WDR70: variants seen among roughly 807,000 people sequenced by gnomAD.
WDR70 encodes WD repeat-containing protein 70.
A neutral mutation model predicts 88.6 loss-of-function variants in WDR70; 53 were observed. The ratio of observed to expected loss-of-function variants is 0.60; its 90% CI spans 0.48 to 0.75. WDR70 has a LOEUF of 0.75. Ranked by LOEUF, WDR70 falls within the 30% of genes least tolerant of loss-of-function variation. The pLI, the probability that WDR70 is intolerant of heterozygous loss-of-function variation, is 0.00. For missense variants in WDR70, 610 were observed against 823.2 expected (o/e 0.74, Z 3.17); for synonymous variants, 280 against 270.0 (o/e 1.04, Z -0.36).
At chr5:37,403,611 C>T (rs1749267038) in intron 5 of WDR70, among the ~76,000 whole-genome samples, 1 of 152,128 alleles carries the variant, frequency 6.6e-6, no homozygotes, top group South Asian at 2.1e-4. Context: ...GGAAAGCAAC[C>T]AATTTCACAT....
At chr5:37,419,978 A>G (rs1749895095) in intron 5 of WDR70, among the ~76,000 whole-genome samples, 1 of 151,984 alleles carries the variant, frequency 6.6e-6, no homozygotes, top group African/African-American at 2.4e-5. Flanking sequence ...GGGTCAAGTG[A>G]TCTGCCCCCC....
At chr5:37,637,381 G>T (rs995574212) in intron 10 of WDR70, among the ~76,000 whole-genome samples, 9 of 144,036 alleles carry the variant, frequency 6.2e-5, no homozygotes, top group Admixed American at 4.1e-4. Context: ...ATAAATAAAA[G>T]ATTTATAAAT....
At chr5:37,449,171 G>A (rs1738587270) in intron 7 of WDR70, among the ~76,000 whole-genome samples, 2 of 152,176 alleles carry the variant, frequency 1.3e-5, no homozygotes, top group South Asian at 4.1e-4. Flanking sequence ...GTTTTCTTGT[G>A]TATTTATTTT....
intron 8 of WDR70, chr5:37,505,617 G>C (rs1740536323): frequency 1.3e-6 from 1 of 747,268 alleles, no homozygotes; most frequent in Admixed American, 1.8e-5. Context: ...AGACAACTGA[G>C]TGGGTGGAGA....
Position 37,571,157 on chromosome 5 carries a change from G to A in WDR70, c.918-33907G>A, listed in dbSNP as rs534988412. Among the ~76,000 whole-genome samples the A allele has an allele frequency of 5.9e-5, 9 of 152,266 alleles. No individual in the cohort carries two copies. The South Asian group carries it at 1.0e-3, about 18-fold the overall frequency. Reference sequence around the variant, plus strand: ...AATATGGCCTTAGGCAAAAAGCAGCGTTTCAAATTGCATATTAAAAGTCAC... The same window carrying A: ...AATATGGCCTTAGGCAAAAAGCAGCATTTCAAATTGCATATTAAAAGTCAC... On this transcript the variant is annotated intron_variant, in intron 9 of 17. Coordinates refer to ENST00000265107, the MANE Select transcript of WDR70 (RefSeq NM_018034.4).
intron 17 of WDR70, among the ~76,000 whole-genome samples, chr5:37,740,074 G>A (rs1224637551): frequency 5.3e-5 from 8 of 152,198 alleles, no homozygotes; most frequent in African/African-American, 9.6e-5. Context: ...TGTATCTGTC[G>A]TTTTACTTTT....
intron 7 of WDR70, among the ~76,000 whole-genome samples, chr5:37,475,146 C>A (rs1053752370): frequency 6.6e-6 from 1 of 151,954 alleles, no homozygotes; most frequent in Non-Finnish European, 1.5e-5. Flanking sequence ...TCTTGAACTC[C>A]TGGCCTCAAG....
chr5:37,596,103 C>T (rs1037159800), intron 9 of WDR70, among the ~76,000 whole-genome samples: 16 of 152,136 alleles, frequency 1.1e-4, no homozygotes, highest in Admixed American at 7.2e-4. Context: ...TACTGAAAGT[C>T]AGTTTTCAGA....
chr5:37,619,972 A>T (rs867580512), intron 10 of WDR70: 2 of 142,350 alleles, frequency 1.4e-5, no homozygotes, highest in Non-Finnish European at 3.0e-5. Context: ...GCAAAATGAT[A>T]CAAAACTGTC....
At chr5:37,417,297 C>T (rs1481603285) in intron 5 of WDR70, among the ~76,000 whole-genome samples, 1 of 152,150 alleles carries the variant, frequency 6.6e-6, no homozygotes, top group Non-Finnish European at 1.5e-5. Context: ...GCTCACTACT[C>T]AGCTGCAGCT....
At chr5:37,752,317 T>C (rs1485092954) in intron 17 of WDR70, among the ~76,000 whole-genome samples, 169 bp from the exon 18 acceptor site, 5 of 152,220 alleles carry the variant, frequency 3.3e-5, no homozygotes, top group Non-Finnish European at 1.5e-5. Flanking sequence ...CTGAACATAA[T>C]TAAATTTCCA....
chr5:37,480,138 G>T, intron 8 of WDR70, 151 bp downstream of exon 8: 1 of 1,035,644 alleles, frequency 9.7e-7, no homozygotes, highest in South Asian at 1.7e-5. Flanking sequence ...TTGATTGGGT[G>T]GTTCTGCTTC....
At chr5:37,717,372 T>A (rs1410958861) in intron 13 of WDR70, among the ~76,000 whole-genome samples, 1 of 152,260 alleles carries the variant, frequency 6.6e-6, no homozygotes, top group Non-Finnish European at 1.5e-5. Context: ...ATGTGAGGGC[T>A]TTCTCTTTGA....
chr5:37,499,040 T>G (rs1337078090), intron 8 of WDR70, among the ~76,000 whole-genome samples: 7 of 152,160 alleles, frequency 4.6e-5, no homozygotes, highest in Non-Finnish European at 1.5e-5. Context: ...AAATAGGTGT[T>G]TAGTGGGATC....
chr5:37,428,007 C>CT (rs34888958), intron 5 of WDR70, among the ~76,000 whole-genome samples: 38,413 of 144,184 alleles, frequency 0.27, 5,800 homozygotes, highest in East Asian at 0.47. Flanking sequence ...ATGTATCCTC[C>CT]TTTTTTTTTT....
chr5:37,586,761 A>G (rs1019899588), intron 9 of WDR70, among the ~76,000 whole-genome samples: 1 of 151,546 alleles, frequency 6.6e-6, no homozygotes, highest in African/African-American at 2.4e-5. Context: ...TTTGCTGCCT[A>G]TTCTCTCAGT....
At chr5:37,619,073 A>AT in intron 10 of WDR70, among the ~76,000 whole-genome samples, 1 of 152,296 alleles carries the variant, frequency 6.6e-6, no homozygotes, top group South Asian at 2.1e-4. Context: ...TTGGAAAATG[A>AT]TTTTATAAAA....
chr5:37,634,481 C>T (rs1225419675), intron 10 of WDR70, among the ~76,000 whole-genome samples: 5 of 152,140 alleles, frequency 3.3e-5, no homozygotes, highest in Admixed American at 6.5e-5. Context: ...TCTAACCTTA[C>T]CTCTTTTGGT....
At chr5:37,703,643 A>G (rs1219210101) in intron 13 of WDR70, among the ~76,000 whole-genome samples, 2 of 152,258 alleles carry the variant, frequency 1.3e-5, no homozygotes, top group African/African-American at 4.8e-5. Flanking sequence ...ACAGATTTAT[A>G]TGAACACTAA....
Sources: allele counts gnomAD v4.1 joint callset (sites outside exome capture counted in the v4.1 genomes callset), GRCh38; gene constraint gnomAD v4.1.1; transcripts MANE v1.5; gene names NCBI Gene and HGNC (gene_info 2026-07-23, HGNC 2026-07-21).